IPCEF1: variants seen among roughly 807,000 people sequenced by gnomAD.
The protein encoded by IPCEF1 is interaction protein for cytohesin exchange factors 1.
In IPCEF1, 31 loss-of-function variants were observed where a neutral mutation model predicts 50.9. The ratio of observed to expected loss-of-function variants is 0.61; its 90% CI spans 0.46 to 0.82. The LOEUF is 0.82. Ranked by LOEUF, IPCEF1 falls within the 40% of genes least tolerant of loss-of-function variation. IPCEF1 has a pLI of 0.00. For missense variants in IPCEF1, 458 were observed against 514.0 expected, an observed-to-expected ratio of 0.89 and a Z score of 1.05; for synonymous variants, 181 against 192.0, an observed-to-expected ratio of 0.94 and a Z score of 0.47.
At chr6:154,283,215 C>T (rs1465444559) in intron 2 of IPCEF1, among the ~76,000 whole-genome samples, 1 of 145,760 alleles carries the variant, frequency 6.9e-6, no homozygotes, top group African/African-American at 2.5e-5. Context: ...TCGCTTGAAC[C>T]TGGGAGGTGG....
At chr6:154,228,449 T>C (rs1779444502) in intron 5 of IPCEF1, among the ~76,000 whole-genome samples, 1 of 152,192 alleles carries the variant, frequency 6.6e-6, no homozygotes, top group Non-Finnish European at 1.5e-5. Flanking sequence ...TTTCCAAATC[T>C]AGTCTTAAAT....
intron 10 of IPCEF1, among the ~76,000 whole-genome samples, chr6:154,193,244 T>C (rs1396494439): frequency 6.6e-6 from 1 of 152,204 alleles, no homozygotes; most frequent in Admixed American, 6.5e-5. Context: ...TGGAGGCCAT[T>C]ATTCTAAGTG....
intron 1 of IPCEF1, among the ~76,000 whole-genome samples, chr6:154,315,835 G>T (rs977101639): frequency 8.6e-5 from 13 of 151,818 alleles, no homozygotes; most frequent in Non-Finnish European, 1.9e-4. Context: ...TTTTTTTTGG[G>T]GGGGAGCGGT....
At chr6:154,215,689 A>C (rs1169035632) in intron 7 of IPCEF1, among the ~76,000 whole-genome samples, 1 of 152,182 alleles carries the variant, frequency 6.6e-6, no homozygotes, top group African/African-American at 2.4e-5. Flanking sequence ...AGCCTTTGTT[A>C]AGAAATCACC....
At chr6:154,354,423 C>CACCACCTCCACCATCGCCTCCACA (rs1784172935) in intron 1 of IPCEF1, among the ~76,000 whole-genome samples, 1 of 141,278 alleles carries the variant, frequency 7.1e-6, no homozygotes, top group African/African-American at 2.8e-5. Context: ...CCACCTCCAC[C>CACCACCTCCACCATCGCCTCCACA]ACCACCTCCA....
rs900790932 is a variant in IPCEF1, at chr6:154,346,547, G to T, written c.-62+10125C>A. Among the ~76,000 whole-genome samples, 12 of 152,250 alleles carry T rather than the reference G, an allele frequency of 7.9e-5. No homozygotes were observed. In the East Asian group the frequency reaches 2.3e-3, roughly 29 times the overall value. On this transcript the variant is annotated intron_variant, in intron 1 of 11. Coordinates refer to ENST00000367220, the MANE Select transcript of IPCEF1 (RefSeq NM_001130700.2). ...ATCTGTATTAGTCCATTCTTATGCT[G>T]CTATGAAGAAATACCTGAGACTCGG...
intron 5 of IPCEF1, among the ~76,000 whole-genome samples, chr6:154,239,746 C>T (rs1780427323): frequency 6.6e-6 from 1 of 152,210 alleles, no homozygotes; most frequent in South Asian, 2.1e-4. Context: ...CTCTGTCACC[C>T]AGGCTGGAGT....
At chr6:154,193,305 G>A (rs578174263) in intron 10 of IPCEF1, among the ~76,000 whole-genome samples, 10 of 152,292 alleles carry the variant, frequency 6.6e-5, no homozygotes, top group South Asian at 6.2e-4. Flanking sequence ...CTCATAAGTG[G>A]GAGCTAAGCT....
In IPCEF1 at chr6:154,181,513, T is replaced by C. The variant is rs554853600; in HGVS notation, c.911-13400A>G. On this transcript the variant is annotated intron_variant, in intron 10 of 11. Transcript: ENST00000367220. The stretch of plus-strand genomic sequence containing the variant: ...AGCTATACTATGCTATGAATATATA[T>C]ATTTGATGCGTTCTTTTGAATGAAA... 2.6e-5 allele frequency among the ~76,000 whole-genome samples: 4 copies of C among 152,354 alleles called. No individual in the cohort carries two copies. In the South Asian group the frequency reaches 6.2e-4, roughly 24 times the overall value.
intron 1 of IPCEF1, among the ~76,000 whole-genome samples, chr6:154,332,780 A>G (rs949633824): frequency 1.3e-5 from 2 of 152,164 alleles, no homozygotes; most frequent in African/African-American, 4.8e-5. Flanking sequence ...GGCTCAAGAG[A>G]GCAATAGAGA....
intron 10 of IPCEF1, among the ~76,000 whole-genome samples, chr6:154,180,952 C>T (rs1015615805): frequency 9.9e-5 from 15 of 151,996 alleles, no homozygotes; most frequent in Admixed American, 4.6e-4. Context: ...AAGAAAAGAC[C>T]GTGGAAGGCA....
At chr6:154,182,792 A>G (rs911297175) in intron 10 of IPCEF1, among the ~76,000 whole-genome samples, 2 of 152,138 alleles carry the variant, frequency 1.3e-5, no homozygotes, top group African/African-American at 4.8e-5. Context: ...GGATCCATCA[A>G]CCATGTGGAT....
intron 1 of IPCEF1, among the ~76,000 whole-genome samples, chr6:154,354,415 ACCTCCACCACCACCTCCACCATCT>A (rs759596936): frequency 1.4e-3 from 64 of 46,688 alleles, no homozygotes; most frequent in South Asian, 3.0e-3. Context: ...CTCCACCACC[ACCTCCACCACCACCTCCACCATCT>A]CCTCCACCAC....
chr6:154,345,557 C>T (rs1159375270), intron 1 of IPCEF1, among the ~76,000 whole-genome samples: 1 of 152,158 alleles, frequency 6.6e-6, no homozygotes, highest in Admixed American at 6.5e-5. Context: ...GCTATGACAC[C>T]TCCCAAACCA....
chr6:154,349,342 C>G (rs1257112825), intron 1 of IPCEF1, among the ~76,000 whole-genome samples: 1 of 150,706 alleles, frequency 6.6e-6, no homozygotes, highest in Non-Finnish European at 1.5e-5. Context: ...CAGGCATGCT[C>G]TACCACACTT....
chr6:154,187,139 T>C (rs1801443714), intron 10 of IPCEF1, among the ~76,000 whole-genome samples: 1 of 152,126 alleles, frequency 6.6e-6, no homozygotes, highest in Non-Finnish European at 1.5e-5. Flanking sequence ...CTTCCCCAAA[T>C]ATTAATTTGG....
At chr6:154,320,550 A>G (rs1783347222) in intron 1 of IPCEF1, among the ~76,000 whole-genome samples, 1 of 152,214 alleles carries the variant, frequency 6.6e-6, no homozygotes, top group Non-Finnish European at 1.5e-5. Flanking sequence ...CTGATTAAAA[A>G]GGGTGGTAGT....
At chr6:154,278,641 C>T (rs981103378) in intron 2 of IPCEF1, among the ~76,000 whole-genome samples, 1 of 151,954 alleles carries the variant, frequency 6.6e-6, no homozygotes, top group African/African-American at 2.4e-5. Context: ...GAAACCTTTT[C>T]CTTTGATATT....
At chr6:154,163,850 A>C (rs1799218229) in intron 11 of IPCEF1, among the ~76,000 whole-genome samples, 1 of 152,250 alleles carries the variant, frequency 6.6e-6, no homozygotes, top group Non-Finnish European at 1.5e-5. Flanking sequence ...ATAGATAGAT[A>C]GATAGATAGA....
Sources: gnomAD v4.1 joint callset for allele counts (sites outside exome capture counted in the v4.1 genomes callset) on GRCh38, gnomAD v4.1.1 for gene constraint, MANE v1.5 for transcripts, NCBI Gene and HGNC (gene_info 2026-07-23, HGNC 2026-07-21) for gene names.